The following KCNH7 variants were observed in gnomAD, a reference collection of about 807,000 sequenced individuals.
KCNH7 encodes the protein voltage-gated inwardly rectifying potassium channel KCNH7.
Under a neutral mutation model 120.8 loss-of-function variants are expected in KCNH7, and 49 were observed. The observed-to-expected ratio is 0.41, with a 90% CI of 0.32 to 0.51. The LOEUF is 0.51. Among genes scored for constraint, KCNH7 ranks in the 20% least tolerant of loss-of-function variants. The pLI is 0.38. For missense variants in KCNH7, 1,097 were observed against 1,446.6 expected, an observed-to-expected ratio of 0.76 and a Z score of 3.92; for synonymous variants, 547 against 516.1, an observed-to-expected ratio of 1.06 and a Z score of -0.81.
At chr2:162,745,190 G>C (rs954370068) in intron 2 of KCNH7, among the ~76,000 whole-genome samples, 3 of 152,170 alleles carry the variant, frequency 2.0e-5, no homozygotes. Context: ...AGACCAGAGA[G>C]AGCATACAGA....
intron 8 of KCNH7, among the ~76,000 whole-genome samples, chr2:162,434,068 T>C (rs1237974083): frequency 3.3e-5 from 5 of 152,062 alleles, no homozygotes; most frequent in Non-Finnish European, 7.4e-5. Flanking sequence ...AAAAAAAGCA[T>C]GTCCTTTGCA....
At chr2:162,524,891 C>T (rs548562827) in intron 3 of KCNH7, among the ~76,000 whole-genome samples, 148 of 152,024 alleles carry the variant, frequency 9.7e-4, no homozygotes, top group South Asian at 2.3e-3. Flanking sequence ...GGTAGAACAA[C>T]TCAGAATATT....
chr2:162,441,037 A>G (rs1390094691), intron 7 of KCNH7, among the ~76,000 whole-genome samples: 1 of 152,248 alleles, frequency 6.6e-6, no homozygotes, highest in East Asian at 1.9e-4. Context: ...AAAGCAAAAT[A>G]ATTTTTCCAC....
rs1471510310 is a variant in KCNH7, at chr2:162,810,167, G to C, written c.307+26370C>G. On this transcript the variant is annotated intron_variant, in intron 2 of 15. Coordinates refer to ENST00000332142, the MANE Select transcript of KCNH7 (RefSeq NM_033272.4). ...CCTGACCTCGTGATCCGCCCGCCTC[G>C]GCCTCCCAAAGTGCTGGGATTACAG... Among the ~76,000 whole-genome samples the C allele has an allele frequency of 1.4e-5, 2 of 142,886 alleles. 1 individual carries two copies. Among genetic ancestry groups the C allele is most frequent in the African/African-American group, 5.1e-5 (2 of 39,054 alleles). The allele number at this position is 142,886 out of a possible 152,430, so 93.7% of individuals were successfully genotyped here.
In KCNH7 at chr2:162,537,812, G is replaced by A. The variant is rs79299537; in HGVS notation, c.308-732C>T. ...GTGGAAATGAAATAAACAAAGGTAT[G>A]ACTCAGTTTGCAATCAACCACTACC... On this transcript the variant is annotated intron_variant, in intron 2 of 15. Transcript: ENST00000332142. Among the ~76,000 whole-genome samples the A allele has an allele frequency of 5.6e-3, 850 of 152,186 alleles. 5 individuals are homozygous for A. The highest frequency in any genetic ancestry group is 0.017 in the African/African-American group (725 of 41,550).
intron 2 of KCNH7, among the ~76,000 whole-genome samples, chr2:162,563,909 G>A (rs1182460585): frequency 6.6e-6 from 1 of 152,084 alleles, no homozygotes; most frequent in Non-Finnish European, 1.5e-5. Context: ...CGTTATTTAA[G>A]AAATATATTT....
Position 162,371,748 on chromosome 2 carries a change from AG to A in KCNH7, c.*80del, listed in dbSNP as rs1160236820. 2.3e-6 allele frequency: 3 copies of A among 1,317,850 alleles called. No individual in the cohort carries two copies. The highest frequency in any genetic ancestry group is 3.1e-6 in the Non-Finnish European group (3 of 953,728). 81.6% of individuals were successfully genotyped at this position (1,317,850 alleles called of 1,614,324 possible). ...TGGTACCTTGTGAGCCCCTGAGTCA[AG>A]TAGAGAGGATTTAAATAGAAAAAGG... On this transcript the variant is annotated 3_prime_UTR_variant, in exon 16 of 16. Coordinates refer to ENST00000332142, the MANE Select transcript of KCNH7 (RefSeq NM_033272.4).
chr2:162,513,162 TC>T, intron 4 of KCNH7, among the ~76,000 whole-genome samples: 1 of 41,680 alleles, frequency 2.4e-5, no homozygotes, highest in South Asian at 1.4e-3. Context: ...CCTCCCTCCC[TC>T]CCTCCCTTCT....
intron 2 of KCNH7, among the ~76,000 whole-genome samples, chr2:162,561,554 CTT>C (rs1191546522): frequency 6.6e-6 from 1 of 152,144 alleles, no homozygotes; most frequent in African/African-American, 2.4e-5. Flanking sequence ...TCCAGCATCT[CTT>C]GTTTCCTGAC....
At chr2:162,431,644 G>A (rs2105512177) in intron 8 of KCNH7, among the ~76,000 whole-genome samples, 1 of 152,002 alleles carries the variant, frequency 6.6e-6, no homozygotes, top group East Asian at 1.9e-4. Context: ...ATAGAACCAA[G>A]TCTTATATTC....
At chr2:162,573,647 T>G (rs1010528630) in intron 2 of KCNH7, among the ~76,000 whole-genome samples, 1 of 152,018 alleles carries the variant, frequency 6.6e-6, no homozygotes, top group Non-Finnish European at 1.5e-5. Flanking sequence ...GCCACCTTTT[T>G]TGTGTGTGTG....
chr2:162,645,533 G>C (rs961737853), intron 2 of KCNH7, among the ~76,000 whole-genome samples: 2 of 152,206 alleles, frequency 1.3e-5, no homozygotes, highest in South Asian at 4.1e-4. Flanking sequence ...TTTAGAATGT[G>C]TTGAACTCTT....
At chr2:162,420,482 G>A (rs1445154082) in intron 9 of KCNH7, among the ~76,000 whole-genome samples, 1 of 152,106 alleles carries the variant, frequency 6.6e-6, no homozygotes, top group East Asian at 1.9e-4. Flanking sequence ...TGAACCATTT[G>A]GCTCAATTAA....
chr2:162,686,401 T>G (rs1685892841), intron 2 of KCNH7, among the ~76,000 whole-genome samples: 1 of 152,124 alleles, frequency 6.6e-6, no homozygotes, highest in Admixed American at 6.6e-5. Context: ...CAAATAAAAG[T>G]AATTTTATCA....
chr2:162,766,268 C>A (rs2035804373), intron 2 of KCNH7, among the ~76,000 whole-genome samples: 2 of 152,106 alleles, frequency 1.3e-5, no homozygotes, highest in Non-Finnish European at 2.9e-5. Context: ...CAGCACTAGT[C>A]AGCGTTGCTC....
intron 2 of KCNH7, among the ~76,000 whole-genome samples, chr2:162,750,087 A>G (rs995694035): frequency 4.6e-5 from 7 of 152,200 alleles, no homozygotes; most frequent in African/African-American, 1.2e-4. Flanking sequence ...ACACATTAAC[A>G]TGGAGGAGAT....
At chr2:162,633,434 G>A (rs1305078035) in intron 2 of KCNH7, among the ~76,000 whole-genome samples, 1 of 151,740 alleles carries the variant, frequency 6.6e-6, no homozygotes, top group Non-Finnish European at 1.5e-5. Context: ...ATTTAATTTT[G>A]TTCATACGTT....
At chr2:162,509,926 T>G (rs1003766309) in intron 5 of KCNH7, among the ~76,000 whole-genome samples, 1 of 151,462 alleles carries the variant, frequency 6.6e-6, no homozygotes, top group African/African-American at 2.4e-5. Flanking sequence ...GTGGGAGCAT[T>G]AAAGGGGCAA....
intron 4 of KCNH7, among the ~76,000 whole-genome samples, chr2:162,516,063 C>T (rs1691281412): frequency 6.6e-6 from 1 of 151,658 alleles, no homozygotes. Context: ...AGCACAGTCC[C>T]CTCAACATCA....
Sources: gnomAD v4.1 joint callset for allele counts (sites outside exome capture counted in the v4.1 genomes callset) on GRCh38, gnomAD v4.1.1 for gene constraint, MANE v1.5 for transcripts, NCBI Gene and HGNC (gene_info 2026-07-23, HGNC 2026-07-21) for gene names.